Variants in USH1C observed in about 807,000 individuals in gnomAD.
The protein encoded by USH1C is USH1 protein network component harmonin.
A neutral mutation model predicts 119.3 loss-of-function variants in USH1C; 90 were observed. The ratio of observed to expected loss-of-function variants is 0.75; its 90% CI spans 0.64 to 0.90. USH1C has a LOEUF of 0.90. USH1C is among the 40% of genes least tolerant of loss of function. The pLI is 0.00. For synonymous variants in USH1C, 465 were observed against 443.3 expected, an observed-to-expected ratio of 1.05 and a Z score of -0.62; for missense variants, 1,165 against 1,167.7, an observed-to-expected ratio of 1.00 and a Z score of 0.03.
intron 18 of USH1C, among the ~76,000 whole-genome samples, chr11:17,506,288 T>A (rs1849646277): frequency 6.6e-6 from 1 of 152,182 alleles, no homozygotes; most frequent in Non-Finnish European, 1.5e-5. Context: ...GTGTCCCTTG[T>A]CTTTAAGGGC....
intron 21 of USH1C, 76 bp from the exon 22 acceptor site, chr11:17,501,611 C>A (rs1849450198): frequency 6.7e-7 from 1 of 1,501,974 alleles, no homozygotes; most frequent in Non-Finnish European, 9.1e-7. Context: ...GAAGGGGAAT[C>A]CAGGCACCTA....
In USH1C at chr11:17,531,804, C is replaced by T. The variant is rs558706914; in HGVS notation, c.105-262G>A. Among the ~76,000 whole-genome samples, 5 of 152,312 alleles carry T rather than the reference C, an allele frequency of 3.3e-5. No individual in the cohort carries two copies. Among genetic ancestry groups the T allele is most frequent in the African/African-American group, 4.8e-5 (2 of 41,568 alleles). On this transcript the variant is annotated intron_variant, in intron 2 of 26. Transcript: ENST00000005226. The surrounding 1 kb of genome is among the most constrained non-coding windows in gnomAD (Gnocchi z 4.2). The stretch of plus-strand genomic sequence containing the variant: ...GATGAAGCCAGGATTTCAAACTCAG[C>T]GCTGCCTATCTCGGCTGTTGGGATC...
intron 26 of USH1C, 128 bp from the exon 27 acceptor site, chr11:17,494,504 A>G: frequency 1.9e-6 from 2 of 1,075,852 alleles, no homozygotes; most frequent in Admixed American, 4.0e-5. Context: ...CCCTTTGGAG[A>G]CCCCTCTGGG....
chr11:17,526,439 G>T lies in USH1C; in HGVS notation c.582C>A (p.Gly194=), dbSNP rs397517882. The change falls in exon 8 of 27, where the codon GGC becomes GGA. Residue 194 remains glycine, a splice_region_variant and synonymous_variant. Coordinates refer to ENST00000005226, the MANE Select transcript of USH1C (RefSeq NM_153676.4). ...YVDQFVSESG[G]VRGSLGSPGN... ...CAGGGGAGCCCAGGCTGCCTCGCAC[G>T]CCCTGAAAGAGAGATAGAAGCAGAA... The T allele has an allele frequency of 8.1e-6, 13 of 1,613,682 alleles. No homozygotes were observed. Among genetic ancestry groups the T allele is most frequent in the Non-Finnish European group, 1.1e-5 (13 of 1,179,758 alleles).
chr11:17,533,167 C>G, intron 2 of USH1C, 88 bp downstream of exon 2: 1 of 966,384 alleles, frequency 1.0e-6, no homozygotes, highest in Non-Finnish European at 1.7e-6. Flanking sequence ...ACCCTCTGAG[C>G]TCCTCTGTCT....
Position 17,524,498 on chromosome 11 carries a change from T to C in USH1C, c.712A>G (p.Ile238Val), listed in dbSNP as rs980345976. ...AGGGAGCCAGGTTTCACATGGCTGA[T>C]AAAGATGCCAGGCTTCTGGATGGGG... ...SGPIQKPGIF[I>V]SHVKPGSLSA... The change falls in exon 9 of 27, where the codon ATC becomes GTC. Residue 238 changes from isoleucine to valine, a missense_variant. By Grantham distance (29) the Ile-to-Val change is conservative. Transcript: ENST00000005226. 1.3e-6 allele frequency: 2 copies of C among 1,573,028 alleles called. No individual in the cohort carries two copies. Among genetic ancestry groups the C allele is most frequent in the Non-Finnish European group, 1.7e-6 (2 of 1,157,468 alleles).
Position 17,544,402 on chromosome 11 carries a change from G to A in USH1C, c.-95C>T. On this transcript the variant is annotated 5_prime_UTR_variant, in exon 1 of 27. Coordinates refer to ENST00000005226, the MANE Select transcript of USH1C (RefSeq NM_153676.4). ...AAGAGCCGCGACCGCGACCGGGCCA[G>A]CCGCCCTCGGAGCTGGGGGCGGGGC... 2 of 1,573,426 alleles carry A rather than the reference G, an allele frequency of 1.3e-6. No homozygotes were observed. The highest frequency in any genetic ancestry group is 1.1e-5 in the South Asian group (1 of 88,950).
chr11:17,540,720 T>C (rs1004534563), intron 1 of USH1C, among the ~76,000 whole-genome samples: 3 of 152,148 alleles, frequency 2.0e-5, no homozygotes, highest in Admixed American at 6.5e-5. Flanking sequence ...CCTGTCAGTT[T>C]TTCCTTTAAC....
In USH1C at chr11:17,509,435, T is replaced by C. The variant is rs1402066731; in HGVS notation, c.1934A>G (p.Glu645Gly). The C allele has an allele frequency of 6.2e-7, 1 of 1,609,464 alleles. No homozygotes were observed. The highest frequency in any genetic ancestry group is 2.2e-5 in the East Asian group (1 of 44,684). ...FRTGDTGNPV[E>G]DWEAKNHSGK... is the part of the protein sequence containing the mutation. ...ACTGTGGTTCTTTGCCTCCCAGTCC[T>C]CCACTGGATTGCCTGTGTCCCCAGT... Residue 645 changes from glutamate (E) to glycine (G), a missense_variant, in exon 18 of 27, where the codon GAG becomes GGG. By Grantham distance (98) the Glu-to-Gly change is moderately conservative. Transcript: ENST00000005226.
In USH1C at chr11:17,509,505, G is replaced by A. The variant is rs370272370; in HGVS notation, c.1864C>T (p.Leu622=). The A allele has an allele frequency of 3.5e-5, 56 of 1,612,832 alleles. No homozygotes were observed. Among genetic ancestry groups the A allele is most frequent in the Non-Finnish European group, 4.7e-5 (55 of 1,179,582 alleles). The change falls in exon 18 of 27, where the codon CTG becomes TTG. Residue 622 remains leucine (L), a synonymous_variant. Transcript: ENST00000005226. ...AGTGCTTCTTCCAGCGCCGAGGGCA[G>A]TGGGCGGGTGGGAGTGAGGTCTTGG... ...PTQDLTPTRP[L]PSALEEALSN...
At chr11:17,513,621 G>A (rs902745049) in intron 15 of USH1C, among the ~76,000 whole-genome samples, 1 of 152,108 alleles carries the variant, frequency 6.6e-6, no homozygotes, top group Non-Finnish European at 1.5e-5. Context: ...GGTTCTCACT[G>A]CTTCAGAGTC....
At chr11:17,511,727 T>C (rs1849899672) in intron 16 of USH1C, among the ~76,000 whole-genome samples, 175 bp downstream of exon 16, 1 of 152,214 alleles carries the variant, frequency 6.6e-6, no homozygotes, top group Non-Finnish European at 1.5e-5. Context: ...TAACCTCAGA[T>C]GGCCCTGGGC....
Position 17,531,056 on chromosome 11 carries a change from G to T in USH1C, c.387+98C>A, listed in dbSNP as rs959117739. 2 of 1,581,418 alleles carry T rather than the reference G, an allele frequency of 1.3e-6. No homozygotes were observed. Among genetic ancestry groups the T allele is most frequent in the Non-Finnish European group, 1.7e-6 (2 of 1,160,380 alleles). On this transcript the variant is annotated intron_variant, in intron 4 of 26. Coordinates refer to ENST00000005226, the MANE Select transcript of USH1C (RefSeq NM_153676.4). This position sits in a 1 kb window ranked among gnomAD's most constrained non-coding sequence, Gnocchi z 4.2. ...TCTTCACCCGAAGGCTCAGAAAAGT[G>T]GGTGACCATGTTGTGCCACACAGCC... is the stretch of plus-strand genomic sequence containing the variant.
At position 17,530,143 on chromosome 11, in the gene USH1C, G is replaced by GC. The variant is rs201794799; in HGVS notation, c.387+1010dup. Among the ~76,000 whole-genome samples, 194 of 152,296 alleles carry GC rather than the reference G, an allele frequency of 1.3e-3. 4 individuals carry two copies. The highest frequency in any genetic ancestry group is 0.011 in the Admixed American group (170 of 15,302). ...AGTGTCTTGTACCATTAGCCTTCGA[G>GC]CCCCTTGAAAGCCCCAAGCTTGGCA... On this transcript the variant is annotated intron_variant, in intron 4 of 26. Transcript: ENST00000005226.
At chr11:17,504,809 C>T in intron 19 of USH1C, 112 bp from the exon 20 acceptor site, 2 of 1,105,530 alleles carry the variant, frequency 1.8e-6, no homozygotes, top group Admixed American at 1.8e-5. Context: ...GCCAATGTCC[C>T]TCCCCGAGCA....
intron 19 of USH1C, among the ~76,000 whole-genome samples, chr11:17,505,094 G>T (rs2133800903): frequency 6.6e-6 from 1 of 152,352 alleles, no homozygotes; most frequent in South Asian, 2.1e-4. Flanking sequence ...TGGGAGGCCA[G>T]CCAGTGGTCG....
chr11:17,502,572 C>G (rs891900405), intron 20 of USH1C, among the ~76,000 whole-genome samples: 1 of 152,208 alleles, frequency 6.6e-6, no homozygotes, highest in East Asian at 1.9e-4. Context: ...TAATGCTTAC[C>G]TAGAAGGTAA....
At chr11:17,503,351 G>C (rs1055796480) in intron 20 of USH1C, among the ~76,000 whole-genome samples, 3 of 152,222 alleles carry the variant, frequency 2.0e-5, no homozygotes, top group African/African-American at 7.2e-5. Context: ...CTGAGAACCA[G>C]CTCTCAGGGA....
rs376858157 is a variant in USH1C, at chr11:17,494,305, C to T, written c.*27G>A. On this transcript the variant is annotated 3_prime_UTR_variant, in exon 27 of 27. Transcript: ENST00000005226. ...AGGCTGATCCGAGGCTTTGTGTTCA[C>T]GAGGTGGGGCCGGAGCTCACTGTTT... is the stretch of plus-strand genomic sequence containing the variant. 2.4e-5 allele frequency: 38 copies of T among 1,605,196 alleles called. No homozygotes were observed. Among genetic ancestry groups the T allele is most frequent in the Middle Eastern group, 1.7e-4 (1 of 6,006 alleles).
Sources: gnomAD v4.1 joint callset for allele counts (sites outside exome capture counted in the v4.1 genomes callset) on GRCh38, gnomAD v4.1.1 for gene constraint, Gnocchi (gnomAD v3.1) non-coding constraint, MANE v1.5 for transcripts, NCBI Gene and HGNC (gene_info 2026-07-23, HGNC 2026-07-21) for gene names.